The following PCDH11X variants were observed in gnomAD, a reference collection of about 807,000 sequenced individuals.
PCDH11X encodes the protein protocadherin-11 X-linked.
In PCDH11X, 18 loss-of-function variants were observed where a neutral mutation model predicts 53.3. The observed-to-expected ratio is 0.34, with a 90% CI of 0.23 to 0.50. The LOEUF (loss-of-function observed/expected upper bound fraction) is 0.50, where lower values mean the gene tolerates loss of function less well. Among genes scored for constraint, PCDH11X ranks in the 20% least tolerant of loss-of-function variants. PCDH11X has a pLI of 0.98. For missense variants in PCDH11X, 570 were observed against 1,032.4 expected (o/e 0.55, Z 6.14); for synonymous variants, 279 against 393.3 (o/e 0.71, Z 3.44).
intron 10 of PCDH11X, among the ~76,000 whole-genome samples, chrX:92,611,172 A>G (rs1158449546): frequency 9.1e-6 from 1 of 109,951 alleles, no homozygotes; most frequent in Non-Finnish European, 1.9e-5. Context: ...AGAGTGTTGA[A>G]TCTGTATTTT....
intron 10 of PCDH11X, among the ~76,000 whole-genome samples, chrX:92,549,987 C>A: frequency 9.1e-6 from 1 of 110,469 alleles, no homozygotes; most frequent in African/African-American, 3.3e-5. Context: ...GAAAACATAT[C>A]ATAAATTATT....
intron 8 of PCDH11X, among the ~76,000 whole-genome samples, chrX:92,385,845 A>T (rs990723073): frequency 1.8e-5 from 2 of 110,644 alleles, no homozygotes; most frequent in African/African-American, 6.6e-5. Context: ...CAAAACAAAC[A>T]ACAGCAAAAA....
At chrX:92,436,971 G>T (rs1367113383) in intron 9 of PCDH11X, among the ~76,000 whole-genome samples, 1 of 50,601 alleles carries the variant, frequency 2.0e-5, no homozygotes, top group African/African-American at 1.4e-4. Context: ...TAAAATAAAA[G>T]GTAAAAAAAA....
In PCDH11X at chrX:91,812,716, C is replaced by T. The variant is rs1158064569; in HGVS notation, c.-45+1421C>T. ...TCAAAATCATTCCTTACCTCTCAAT[C>T]ATCCCTTTTCTCTCTTTAATACCTT... On this transcript the variant is annotated intron_variant, in intron 4 of 10. Transcript: ENST00000682573. 2.7e-5 allele frequency among the ~76,000 whole-genome samples: 3 copies of T among 111,111 alleles called. No individual in the cohort carries two copies. The Admixed American group carries it at 2.9e-4, about 11-fold the overall frequency.
intron 5 of PCDH11X, among the ~76,000 whole-genome samples, chrX:91,848,312 C>T (rs909540027): frequency 1.8e-4 from 20 of 110,097 alleles, no homozygotes; most frequent in Admixed American, 1.5e-3. Flanking sequence ...CTCTATTCTC[C>T]TGCCCCAGCC....
intron 8 of PCDH11X, among the ~76,000 whole-genome samples, chrX:92,283,973 A>C (rs2148447876): frequency 9.0e-6 from 1 of 110,714 alleles, no homozygotes; most frequent in African/African-American, 3.3e-5. Flanking sequence ...TTAGTTGACA[A>C]AATTATCCAG....
chrX:92,542,202 C>T (rs887431043), intron 10 of PCDH11X, among the ~76,000 whole-genome samples: 1 of 111,712 alleles, frequency 9.0e-6, no homozygotes, highest in Non-Finnish European at 1.9e-5. Flanking sequence ...ACCTATTCCA[C>T]TGAATTTTAC....
chrX:91,808,947 G>A (rs887053608), intron 1 of PCDH11X, among the ~76,000 whole-genome samples: 10 of 107,341 alleles, frequency 9.3e-5, no homozygotes, highest in Non-Finnish European at 1.7e-4. Flanking sequence ...TATAATTAAC[G>A]TATAAGGTTT....
At chrX:92,484,157 ATGTATATATGTATATATATG>A (rs2073576289) in intron 10 of PCDH11X, among the ~76,000 whole-genome samples, 2 of 42,512 alleles carry the variant, frequency 4.7e-5, no homozygotes, top group Non-Finnish European at 9.3e-5. Context: ...ATATGTATAT[ATGTATATATGTATATATATG>A]TATGTATATA....
chrX:92,225,688 A>G (rs2066956979), intron 7 of PCDH11X, among the ~76,000 whole-genome samples: 1 of 111,458 alleles, frequency 9.0e-6, no homozygotes, highest in Non-Finnish European at 1.9e-5. Flanking sequence ...ATTTTGCAAA[A>G]TTAAGAAAAT....
At chrX:92,135,007 C>A (rs1198506393) in intron 6 of PCDH11X, among the ~76,000 whole-genome samples, 2 of 110,489 alleles carry the variant, frequency 1.8e-5, no homozygotes, top group Non-Finnish European at 3.8e-5. Context: ...AGCCCCTATT[C>A]AAGATGGAGT....
chrX:91,798,695 G>T (rs749400065), intron 1 of PCDH11X, among the ~76,000 whole-genome samples: 123 of 110,907 alleles, frequency 1.1e-3, no homozygotes, highest in African/African-American at 3.9e-3. Flanking sequence ...TAGACAAATA[G>T]AAATTTGTTT....
At chrX:92,415,736 C>A (rs1260249322) in intron 9 of PCDH11X, among the ~76,000 whole-genome samples, 3 of 110,982 alleles carry the variant, frequency 2.7e-5, no homozygotes, top group Admixed American at 1.9e-4. Flanking sequence ...ATATGTTTAA[C>A]CTATTTAGGT....
chrX:92,109,482 G>A lies in PCDH11X; in HGVS notation c.3034-91893G>A, dbSNP rs1218538291. On this transcript the variant is annotated intron_variant, in intron 6 of 10. Coordinates refer to ENST00000682573, the MANE Select transcript of PCDH11X (RefSeq NM_032968.5). ...AGAGGGGTCGAAGTGAGGTTTTCTT[G>A]TTGTCTTCTGTTCCTGGGTGGGATC... 5.4e-5 allele frequency among the ~76,000 whole-genome samples: 6 copies of A among 111,339 alleles called. No homozygotes were observed. The Admixed American group carries it at 5.7e-4, about 11-fold the overall frequency.
At chrX:92,187,820 A>T (rs1603137480) in intron 6 of PCDH11X, among the ~76,000 whole-genome samples, 1 of 112,068 alleles carries the variant, frequency 8.9e-6, no homozygotes, top group South Asian at 3.7e-4. Flanking sequence ...AACCTTGGCT[A>T]ATCCTGAATA....
intron 8 of PCDH11X, among the ~76,000 whole-genome samples, chrX:92,341,183 G>C (rs1238945598): frequency 9.0e-6 from 1 of 111,628 alleles, no homozygotes; most frequent in Non-Finnish European, 1.9e-5. Context: ...TTCCATCTGC[G>C]AACACGGCAG....
chrX:91,898,101 A>G, intron 6 of PCDH11X, among the ~76,000 whole-genome samples: 1 of 111,507 alleles, frequency 9.0e-6, no homozygotes, highest in Non-Finnish European at 1.9e-5. Flanking sequence ...TGAGGAGTAA[A>G]TGAGATAGTA....
intron 6 of PCDH11X, among the ~76,000 whole-genome samples, chrX:92,010,440 A>G (rs1264660709): frequency 2.7e-5 from 3 of 110,198 alleles, no homozygotes; most frequent in Non-Finnish European, 5.7e-5. Flanking sequence ...CTTACTTATC[A>G]TGTGCTTACA....
rs1039115080 is a variant in PCDH11X, at chrX:91,917,140, T to C, written c.3033+37867T>C. ...CTTATGATTAAAATCCTCAGCAAAA[T>C]TGGCATACAAAGGACATACCTCAAG... On this transcript the variant is annotated intron_variant, in intron 6 of 10. Transcript: ENST00000682573. Among the ~76,000 whole-genome samples, 20 of 110,574 alleles carry C rather than the reference T, an allele frequency of 1.8e-4. 1 individual carries two copies. Among genetic ancestry groups the C allele is most frequent in the South Asian group, 1.2e-3 (3 of 2,579 alleles).
Sources: gnomAD v4.1 joint callset for allele counts (sites outside exome capture counted in the v4.1 genomes callset) on GRCh38, gnomAD v4.1.1 for gene constraint, MANE v1.5 for transcripts, NCBI Gene and HGNC (gene_info 2026-07-23, HGNC 2026-07-21) for gene names.